GON4L: variants seen among roughly 807,000 people sequenced by gnomAD.
GON4L encodes gon-4 like.
A neutral mutation model predicts 211.8 loss-of-function variants in GON4L; 87 were observed. The observed-to-expected ratio is 0.41, with a 90% CI of 0.35 to 0.49. GON4L has a LOEUF of 0.49. Among genes scored for constraint, GON4L ranks in the 20% least tolerant of loss-of-function variants. The pLI is 0.15. For missense variants in GON4L, 2,155 were observed against 2,659.5 expected (o/e 0.81, Z 4.17); for synonymous variants, 875 against 962.6 (o/e 0.91, Z 1.68).
In GON4L at chr1:155,756,994, C is replaced by G. The variant is rs753140395; in HGVS notation, c.5481G>C (p.Lys1827Asn). 32 of 1,613,598 alleles carry G rather than the reference C, an allele frequency of 2.0e-5. No individual in the cohort carries two copies. The highest frequency in any genetic ancestry group is 2.7e-5 in the African/African-American group (2 of 74,880). ...TTTGGACCCCGATCTCTTTTTTCCT[C>G]TTGTTCTTTGAGGCTGTGGGTATCT... ...PPKIPTASKN[K>N]RKKEIGVQNH... Residue 1827 changes from lysine (K) to asparagine (N), a missense_variant, in exon 27 of 32, where the codon AAG becomes AAC. Physicochemically the swap from Lys to Asn is moderately conservative, Grantham distance 94. This residue lies in a region of GON4L where 455 missense variants were observed against 504.6 expected (regional missense o/e 0.90). Coordinates refer to ENST00000368331, the MANE Select transcript of GON4L (RefSeq NM_001282860.2).
intron 19 of GON4L, among the ~76,000 whole-genome samples, chr1:155,768,957 C>G (rs1348984093): frequency 6.6e-6 from 1 of 152,042 alleles, no homozygotes; most frequent in African/African-American, 2.4e-5. Context: ...CTGTGCACAT[C>G]TTTGTACTTT....
downstream of GON4L, among the ~76,000 whole-genome samples, chr1:155,749,073 G>GT (rs1223637414): frequency 2.6e-5 from 4 of 152,060 alleles, no homozygotes; most frequent in African/African-American, 9.7e-5. Flanking sequence ...GACCAACATG[G>GT]TGAACCCCAT....
rs560205601 is a variant in GON4L, at chr1:155,793,044, T to A, written c.1747+2006A>T. On this transcript the variant is annotated intron_variant, in intron 12 of 31. Coordinates refer to ENST00000368331, the MANE Select transcript of GON4L (RefSeq NM_001282860.2). ...GCCTCAGCCTCCCAAGTGCCGGGAT[T>A]ATAGCCATGAGCCACTGTGCCCCAG... Among the ~76,000 whole-genome samples, 20 of 152,274 alleles carry A rather than the reference T, an allele frequency of 1.3e-4. 1 individual carries two copies. In the South Asian group the frequency reaches 3.5e-3, roughly 27 times the overall value.
chr1:155,794,898 T>C, intron 12 of GON4L, 152 bp downstream of exon 12: 2 of 671,018 alleles, frequency 3.0e-6, no homozygotes, highest in South Asian at 3.1e-5. Flanking sequence ...AATATGTACC[T>C]AAATTTAAAG....
intron 2 of GON4L, chr1:155,831,518 A>G (rs1353194520): frequency 6.6e-6 from 1 of 151,836 alleles, no homozygotes; most frequent in Non-Finnish European, 1.5e-5. Flanking sequence ...TTTCTAGTTG[A>G]GCCCAGTGGC....
chr1:155,852,152 G>A (rs1488802902), intron 2 of GON4L, among the ~76,000 whole-genome samples: 5 of 120,958 alleles, frequency 4.1e-5, no homozygotes, highest in South Asian at 6.4e-4. Context: ...GCAACAGAGC[G>A]AGACTGTCAC....
At chr1:155,770,605 T>C (rs140665934) in intron 19 of GON4L, among the ~76,000 whole-genome samples, 3,537 of 152,248 alleles carry the variant, frequency 0.023, 132 homozygotes, top group African/African-American at 0.081. Context: ...TCCCAGCACC[T>C]TGGGAGGCCA....
chr1:155,782,420 G>T (rs1353212567), intron 14 of GON4L, among the ~76,000 whole-genome samples: 1 of 152,126 alleles, frequency 6.6e-6, no homozygotes. Context: ...ATATTCAGCA[G>T]AATAACATGC....
At chr1:155,849,956 A>T (rs1334271056) in intron 2 of GON4L, among the ~76,000 whole-genome samples, 1 of 147,232 alleles carries the variant, frequency 6.8e-6, no homozygotes, top group African/African-American at 2.5e-5. Flanking sequence ...GTATCACCTT[A>T]ATTTGTCCTG....
At position 155,791,549 on chromosome 1, in the gene GON4L, CT is replaced by C. The variant is rs904411998; in HGVS notation, c.1747+3500del. ...AATATGTACACTTGGGAATAAATTG[CT>C]TTTTTTTTTCTTAACAACAAAAGAC... On this transcript the variant is annotated intron_variant, in intron 12 of 31. Coordinates refer to ENST00000368331, the MANE Select transcript of GON4L (RefSeq NM_001282860.2). Among the ~76,000 whole-genome samples the C allele has an allele frequency of 2.1e-3, 312 of 146,608 alleles. 2 individuals carry two copies. The highest frequency in any genetic ancestry group is 7.1e-3 in the African/African-American group (285 of 40,088).
chr1:155,757,139 CT>C, intron 26 of GON4L, 40 bp downstream of exon 26: 1 of 1,613,834 alleles, frequency 6.2e-7, no homozygotes, highest in East Asian at 2.2e-5. Context: ...CACGTGTGGC[CT>C]TCCCCCTTCA....
chr1:155,811,314 C>T (rs901708605), intron 10 of GON4L, among the ~76,000 whole-genome samples: 5 of 134,550 alleles, frequency 3.7e-5, no homozygotes, highest in Non-Finnish European at 6.1e-5. Flanking sequence ...ATGATGTGAA[C>T]CTGGGAGGCG....
chr1:155,749,487 C>G, downstream of GON4L: 1 of 1,447,224 alleles, frequency 6.9e-7, no homozygotes, highest in Non-Finnish European at 9.4e-7. Context: ...CCCTTGACTT[C>G]TTACGCACTT....
At chr1:155,748,342 C>T (rs1660337441), downstream of GON4L, 1 of 1,513,424 alleles carries the variant, frequency 6.6e-7, no homozygotes, top group Admixed American at 1.7e-5. Context: ...AACATTCTGC[C>T]TCCACACATT....
At chr1:155,786,582 G>T (rs925644048) in intron 12 of GON4L, among the ~76,000 whole-genome samples, 2 of 152,052 alleles carry the variant, frequency 1.3e-5, no homozygotes, top group African/African-American at 4.8e-5. Flanking sequence ...TTCACAGGAC[G>T]CTGTCTTTGG....
intron 27 of GON4L, among the ~76,000 whole-genome samples, chr1:155,755,357 C>T (rs1661072073): frequency 6.6e-6 from 1 of 152,134 alleles, no homozygotes. Context: ...GTGTAAGCCA[C>T]AGCACCTAGC....
chr1:155,746,950 T>C (rs753559718), downstream of GON4L: 2 of 1,602,250 alleles, frequency 1.2e-6, no homozygotes, highest in East Asian at 4.5e-5. Context: ...ACGGGGATTT[T>C]AATCATTTTA....
intron 11 of GON4L, among the ~76,000 whole-genome samples, chr1:155,803,990 G>A (rs995539823): frequency 1.3e-5 from 2 of 152,160 alleles, no homozygotes; most frequent in Non-Finnish European, 2.9e-5. Flanking sequence ...TTTCACCCCA[G>A]CAAGATAGAG....
intron 12 of GON4L, among the ~76,000 whole-genome samples, chr1:155,790,351 G>T (rs934061937): frequency 2.6e-5 from 4 of 151,758 alleles, no homozygotes; most frequent in Non-Finnish European, 5.9e-5. Flanking sequence ...GCCCACCCTG[G>T]CCTCCCAAAG....
Sources: allele counts gnomAD v4.1 joint callset (sites outside exome capture counted in the v4.1 genomes callset), GRCh38; gene constraint gnomAD v4.1.1; regional missense constraint gnomAD v4.1.1; transcripts MANE v1.5; gene names NCBI Gene and HGNC (gene_info 2026-07-23, HGNC 2026-07-21).